The following CEP162 variants were observed in gnomAD, a reference collection of about 807,000 sequenced individuals.
The protein encoded by CEP162 is centrosomal protein of 162 kDa.
A neutral mutation model predicts 169.2 loss-of-function variants in CEP162; 141 were observed. The observed-to-expected ratio is 0.83, with a 90% CI of 0.73 to 0.96. The LOEUF is 0.96. CEP162 is among the 40% of genes least tolerant of loss of function. CEP162 has a pLI of 0.00. For synonymous variants in CEP162, 540 were observed against 526.4 expected, an observed-to-expected ratio of 1.03 and a Z score of -0.35; for missense variants, 1,600 against 1,587.2, an observed-to-expected ratio of 1.01 and a Z score of -0.14.
chr6:84,171,125 C>T (rs2099529950), intron 17 of CEP162, among the ~76,000 whole-genome samples: 1 of 152,196 alleles, frequency 6.6e-6, no homozygotes, highest in Admixed American at 6.5e-5. Flanking sequence ...TCCTGCTTCC[C>T]TTGCTCCCTT....
In CEP162 at chr6:84,124,745, C is replaced by A; in HGVS notation, c.*325G>T. 3.3e-6 allele frequency: 1 copy of A among 299,404 alleles called. No homozygotes were observed. The highest frequency in any genetic ancestry group is 1.1e-4 in the East Asian group (1 of 8,982). The allele number at this position is 299,404 out of a possible 1,614,324, so 18.5% of individuals were successfully genotyped here. On this transcript the variant is annotated 3_prime_UTR_variant, in exon 27 of 27. Coordinates refer to ENST00000403245, the MANE Select transcript of CEP162 (RefSeq NM_014895.4). Reference sequence around the variant, plus strand: ...GATCTAAAATAAAAATTTTAAAAACCTCACATTATCAATAAAAATGTGGCG... The same window carrying A: ...GATCTAAAATAAAAATTTTAAAAACATCACATTATCAATAAAAATGTGGCG...
rs561247395 is a variant in CEP162, at chr6:84,154,330, ATCTGTCTG to A, written c.2994+960_2994+967del. 3.9e-3 allele frequency among the ~76,000 whole-genome samples: 579 copies of A among 149,448 alleles called. 4 individuals are homozygous for A. Among genetic ancestry groups the A allele is most frequent in the African/African-American group, 0.012 (494 of 40,356 alleles). On this transcript the variant is annotated intron_variant, in intron 22 of 26. Coordinates refer to ENST00000403245, the MANE Select transcript of CEP162 (RefSeq NM_014895.4). ...ATCAGGGATATCTATCTATCTATCT[ATCTGTCTG>A]TCTGTCTGTCTGTCTGTCTGTCTAT...
intron 5 of CEP162, among the ~76,000 whole-genome samples, chr6:84,213,840 G>A (rs1221863407): frequency 6.6e-6 from 1 of 152,190 alleles, no homozygotes; most frequent in Non-Finnish European, 1.5e-5. Context: ...AACGTTGGGA[G>A]AGGCAATGAC....
intron 9 of CEP162, among the ~76,000 whole-genome samples, chr6:84,199,350 T>C (rs1396159672): frequency 6.6e-6 from 1 of 152,160 alleles, no homozygotes; most frequent in Non-Finnish European, 1.5e-5. Context: ...TGAAAGTGGA[T>C]GTAACAAGTC....
intron 6 of CEP162, among the ~76,000 whole-genome samples, chr6:84,211,475 C>T (rs1249702770): frequency 1.5e-5 from 2 of 137,722 alleles, no homozygotes; most frequent in Non-Finnish European, 3.0e-5. Flanking sequence ...TGCAGTTAGC[C>T]GAGATGGTAT....
At chr6:84,134,161 G>A (rs549242658) in intron 25 of CEP162, among the ~76,000 whole-genome samples, 7 of 152,160 alleles carry the variant, frequency 4.6e-5, no homozygotes, top group Non-Finnish European at 8.8e-5. Flanking sequence ...ATGCTATGAG[G>A]GGAAAACTGC....
chr6:84,176,914 GTCTCGC>G (rs2099532644), intron 13 of CEP162, among the ~76,000 whole-genome samples: 1 of 150,804 alleles, frequency 6.6e-6, no homozygotes, highest in African/African-American at 2.4e-5. Context: ...TTGAGACAGA[GTCTCGC>G]TCTGTTTCCC....
chr6:84,219,912 G>C (rs144213425), intron 3 of CEP162, among the ~76,000 whole-genome samples: 162 of 152,250 alleles, frequency 1.1e-3, no homozygotes, highest in African/African-American at 3.7e-3. Flanking sequence ...GAAACTAATT[G>C]TGACAAGAGA....
At chr6:84,216,325 T>G (rs886337441) in intron 3 of CEP162, among the ~76,000 whole-genome samples, 4 of 152,140 alleles carry the variant, frequency 2.6e-5, no homozygotes, top group African/African-American at 9.7e-5. Context: ...CATGAATTAC[T>G]ATAACAAAAT....
rs919763595 is a variant in CEP162, at chr6:84,197,086, T to C, written c.836-2011A>G. 4.0e-4 allele frequency among the ~76,000 whole-genome samples: 61 copies of C among 152,126 alleles called. 1 individual carries two copies. The highest frequency in any genetic ancestry group is 4.0e-3 in the Admixed American group (61 of 15,272). ...AGGTTGAGCAAGTATCTGCTGAGCA[T>C]ACATAAAAGAAATGACTTCTATGGT... On this transcript the variant is annotated intron_variant, in intron 9 of 26. Transcript: ENST00000403245.
chr6:84,133,165 G>A (rs577860129), intron 25 of CEP162, among the ~76,000 whole-genome samples: 72 of 152,292 alleles, frequency 4.7e-4, no homozygotes, highest in African/African-American at 1.7e-3. Flanking sequence ...AGCAGAGGCT[G>A]CAGAACAGCA....
At chr6:84,145,466 TTA>T (rs2129197115) in intron 25 of CEP162, among the ~76,000 whole-genome samples, 1 of 152,278 alleles carries the variant, frequency 6.6e-6, no homozygotes, top group South Asian at 2.1e-4. Flanking sequence ...CTTATTGTGA[TTA>T]TCTCTGATAG....
At chr6:84,226,725 T>C (rs1317641170) in intron 1 of CEP162, among the ~76,000 whole-genome samples, 1 of 152,252 alleles carries the variant, frequency 6.6e-6, no homozygotes, top group East Asian at 1.9e-4. Flanking sequence ...CCCAAACCTA[T>C]GTTTGTGTGC....
chr6:84,162,843 A>G (rs888030319), intron 19 of CEP162, among the ~76,000 whole-genome samples: 1 of 152,180 alleles, frequency 6.6e-6, no homozygotes, highest in Non-Finnish European at 1.5e-5. Flanking sequence ...CCCAGGGAAA[A>G]GAAGACAGGC....
intron 11 of CEP162, among the ~76,000 whole-genome samples, chr6:84,189,051 C>T (rs550039672): frequency 6.6e-6 from 1 of 152,046 alleles, no homozygotes; most frequent in East Asian, 1.9e-4. Flanking sequence ...TGTTCATGTC[C>T]TTGCCCACTT....
At chr6:84,141,031 T>C (rs1353474118) in intron 25 of CEP162, among the ~76,000 whole-genome samples, 1 of 152,156 alleles carries the variant, frequency 6.6e-6, no homozygotes, top group Non-Finnish European at 1.5e-5. Flanking sequence ...AGTTCACAAT[T>C]GGGTTCACGC....
At position 84,160,826 on chromosome 6, in the gene CEP162, C is replaced by A. The variant is rs2099525438; in HGVS notation, c.2767G>T (p.Asp923Tyr). The change falls in exon 21 of 27, where the codon GAT (aspartate) becomes TAT (tyrosine). Residue 923 changes from aspartate to tyrosine, a missense_variant. Physicochemically the swap from Asp to Tyr is radical, Grantham distance 160. Transcript: ENST00000403245. ...TGAACACATACTTGTCGCTCCAGAT[C>A]CTGAATTTTTTTGGCATCTGCTGCT... The part of the protein sequence containing the change: ...DKAADAKKIQ[D>Y]LERQVKEMEG... The A allele has an allele frequency of 1.9e-6, 3 of 1,606,518 alleles. No homozygotes were observed. Among genetic ancestry groups the A allele is most frequent in the East Asian group, 2.2e-5 (1 of 44,816 alleles).
Position 84,146,709 on chromosome 6 carries a change from C to T in CEP162, c.3848G>A (p.Arg1283Gln), listed in dbSNP as rs865999990. 9 of 1,569,246 alleles carry T rather than the reference C, an allele frequency of 5.7e-6. No individual in the cohort carries two copies. In the East Asian group the frequency reaches 9.1e-5, roughly 16 times the overall value. The change falls in exon 25 of 27, where the codon CGA becomes CAA. Residue 1283 changes from arginine (R) to glutamine (Q), a missense_variant. Transcript: ENST00000403245. ...KQESLVVSEV[R>Q]EEILQKEITK... Reference sequence around the variant, plus strand: ...TACCTCTTTCTGTAGAATTTCTTCTCGAACTTCAGAAACTACGAGAGACTC... The same window carrying T: ...TACCTCTTTCTGTAGAATTTCTTCTTGAACTTCAGAAACTACGAGAGACTC...
chr6:84,220,170 G>C (rs935166519), intron 3 of CEP162, among the ~76,000 whole-genome samples: 1 of 152,028 alleles, frequency 6.6e-6, no homozygotes, highest in African/African-American at 2.4e-5. Context: ...TTCATGGGGA[G>C]GGGGGGAAAC....
Sources: allele counts gnomAD v4.1 joint callset (sites outside exome capture counted in the v4.1 genomes callset), GRCh38; gene constraint gnomAD v4.1.1; transcripts MANE v1.5; gene names NCBI Gene and HGNC (gene_info 2026-07-23, HGNC 2026-07-21).